The following ZXDC variants were observed in gnomAD, a reference collection of about 807,000 sequenced individuals.
ZXDC encodes the protein ZXD family zinc finger C.
ZXDC carries 58 observed loss-of-function variants against 63.6 expected under a neutral mutation model. The ratio of observed to expected loss-of-function variants is 0.91; its 90% CI spans 0.74 to 1.13. ZXDC has a LOEUF of 1.13. Among genes scored for constraint, ZXDC ranks in the 50% most tolerant of loss-of-function variants. The probability of loss-of-function intolerance (pLI) is 0.00; values close to 1 mark genes in which losing one functional copy is unlikely to be tolerated. For synonymous variants in ZXDC, 561 were observed against 496.1 expected, an observed-to-expected ratio of 1.13 and a Z score of -1.74; for missense variants, 1,133 against 1,148.9, an observed-to-expected ratio of 0.99 and a Z score of 0.20.
chr3:126,452,175 C>T (rs1314331641), intron 7 of ZXDC: 1 of 985,302 alleles, frequency 1.0e-6, no homozygotes, highest in Non-Finnish European at 1.2e-6. Flanking sequence ...AGCCCCAGCA[C>T]CAGAACATGC....
Position 126,441,923 on chromosome 3 carries a change from TTC to T in ZXDC, c.2234_2235del (p.Arg745LysfsTer55). On this transcript the variant is annotated frameshift_variant, in exon 8 of 10. Coordinates refer to ENST00000389709, the MANE Select transcript of ZXDC (RefSeq NM_025112.5). LOFTEE classifies it high-confidence loss of function. The part of the protein sequence containing the change: ...SNAGASQSTQ[R>X]KIKEGKMSPP... ...GGACTCATTTTGCCTTCTTTTATTTTTCTCTGAGTAGACTGTGAGGCTCCTAA... is the reference window on the plus strand; with the variant it reads ...GGACTCATTTTGCCTTCTTTTATTTTTCTGAGTAGACTGTGAGGCTCCTAA... 6.2e-7 allele frequency: 1 copy of T among 1,610,158 alleles called. No homozygotes were observed. Among genetic ancestry groups the T allele is most frequent in the South Asian group, 1.1e-5 (1 of 90,440 alleles).
intron 1 of ZXDC, among the ~76,000 whole-genome samples, chr3:126,472,932 C>A (rs1478303727): frequency 1.3e-5 from 2 of 152,320 alleles, no homozygotes; most frequent in Admixed American, 6.5e-5. Context: ...TACTTCTCCT[C>A]CGACAGAAAC....
Position 126,471,119 on chromosome 3 carries a change from CA to C in ZXDC, c.1140-95del, listed in dbSNP as rs1934965042. On this transcript the variant is annotated intron_variant, in intron 3 of 9. Coordinates refer to ENST00000389709, the MANE Select transcript of ZXDC (RefSeq NM_025112.5). ...AAAACATACCAAAACACAAACTTTG[CA>C]TTTACAAAAATGATCAGTACATTTC... The C allele has an allele frequency of 1.8e-5, 27 of 1,488,590 alleles. 1 individual carries two copies. The highest frequency in any genetic ancestry group is 5.7e-5 in the African/African-American group (4 of 70,764). The allele number at this position is 1,488,590 out of a possible 1,614,324, so 92.2% of individuals were successfully genotyped here. A position where few individuals can be genotyped will look rare whatever the true frequency, so the allele number is the denominator to read the frequency against.
Position 126,466,329 on chromosome 3 carries a change from G to C in ZXDC, c.1271-4C>G, listed in dbSNP as rs770782849. Reference sequence around the variant, plus strand: ...GCGGAGAACCTCGCGCAACATCCTGGAACAAAAAGAGTAATGAGAGTGAAA... The same window carrying C: ...GCGGAGAACCTCGCGCAACATCCTGCAACAAAAAGAGTAATGAGAGTGAAA... On this transcript the variant is annotated splice_polypyrimidine_tract_variant and splice_region_variant and intron_variant, in intron 4 of 9. Transcript: ENST00000389709. The C allele has an allele frequency of 2.5e-6, 4 of 1,613,884 alleles. No homozygotes were observed. The highest frequency in any genetic ancestry group is 1.7e-4 in the Middle Eastern group (1 of 6,060).
chr3:126,465,877 AG>A (rs1934737101), intron 5 of ZXDC, among the ~76,000 whole-genome samples: 1 of 152,132 alleles, frequency 6.6e-6, no homozygotes, highest in Non-Finnish European at 1.5e-5. Flanking sequence ...CTTGAGCAGG[AG>A]CCTGAGGTTG....
intron 8 of ZXDC, 153 bp from the exon 9 acceptor site, chr3:126,439,880 G>A (rs1933612765): frequency 3.5e-6 from 5 of 1,435,620 alleles, no homozygotes; most frequent in Non-Finnish European, 4.5e-6. Flanking sequence ...AGCAGGAATT[G>A]TTTATGGGGG....
rs1172315285 is a variant in ZXDC at position 126,470,893 on chromosome 3, A to G, written c.1270+2T>C. 5.0e-6 allele frequency: 8 copies of G among 1,614,070 alleles called. No individual in the cohort carries two copies. Among genetic ancestry groups the G allele is most frequent in the Admixed American group, 1.7e-5 (1 of 60,012 alleles). On this transcript the variant is annotated splice_donor_variant, in intron 4 of 9. Coordinates refer to ENST00000389709, the MANE Select transcript of ZXDC (RefSeq NM_025112.5). LOFTEE classifies it high-confidence loss of function. ...TGCTCAAAGCAATGTTTTAAAATCT[A>G]CCTTCCACAGGACACTCGAACGGCT...
At chr3:126,470,160 C>A (rs1398492222) in intron 4 of ZXDC, among the ~76,000 whole-genome samples, 1 of 152,190 alleles carries the variant, frequency 6.6e-6, no homozygotes, top group Non-Finnish European at 1.5e-5. Context: ...GAAAAAACCA[C>A]TCTACTATAC....
At chr3:126,466,477 T>C in intron 4 of ZXDC, 152 bp from the exon 5 acceptor site, 1 of 801,942 alleles carries the variant, frequency 1.2e-6, no homozygotes, top group South Asian at 1.6e-5. Context: ...AGAAGTAGCA[T>C]CACAAGCAAT....
chr3:126,450,433 G>A (rs1245584988), intron 7 of ZXDC: 3 of 456,550 alleles, frequency 6.6e-6, no homozygotes, highest in East Asian at 6.9e-5. Flanking sequence ...GGGTGTACAC[G>A]GGGCCCACAG....
At chr3:126,473,567 A>G (rs1935057215) in intron 1 of ZXDC, among the ~76,000 whole-genome samples, 1 of 152,218 alleles carries the variant, frequency 6.6e-6, no homozygotes, top group African/African-American at 2.4e-5. Context: ...TTAGCAGGGA[A>G]AGGGTCTACA....
intron 7 of ZXDC, chr3:126,450,507 CT>C (rs1444528946): frequency 4.4e-6 from 2 of 456,712 alleles, no homozygotes; most frequent in Non-Finnish European, 8.8e-6. Flanking sequence ...ACCTGGGCAC[CT>C]CATGACACAT....
chr3:126,450,610 C>T (rs1049976372), intron 7 of ZXDC: 1 of 447,092 alleles, frequency 2.2e-6, no homozygotes, highest in African/African-American at 2.0e-5. Context: ...CCCCTGCTGA[C>T]CCAGGGCCCC....
intron 7 of ZXDC, chr3:126,458,939 G>A: frequency 1.0e-6 from 1 of 981,556 alleles, no homozygotes; most frequent in Non-Finnish European, 1.2e-6. Flanking sequence ...TTTTAAATAA[G>A]AAGTCATAAT....
intron 7 of ZXDC, chr3:126,457,201 G>C (rs1023766377): frequency 1.1e-6 from 1 of 943,458 alleles, no homozygotes; most frequent in African/African-American, 1.8e-5. Flanking sequence ...CCAGGACTGC[G>C]GCCACAGGGG....
chr3:126,462,237 T>TAC lies in ZXDC; in HGVS notation c.1442-19_1442-18dup, dbSNP rs781311935. 7 of 1,573,040 alleles carry TAC rather than the reference T, an allele frequency of 4.4e-6. No individual in the cohort carries two copies. Among genetic ancestry groups the TAC allele is most frequent in the Admixed American group, 1.8e-5 (1 of 55,540 alleles). The stretch of plus-strand genomic sequence containing the variant: ...GTAAGAGATCTGAAAAAAAAAGGAA[T>TAC]ACACTCTGGTTACTTTATGACCTTG... On this transcript the variant is annotated splice_polypyrimidine_tract_variant and intron_variant, in intron 5 of 9. Coordinates refer to ENST00000389709, the MANE Select transcript of ZXDC (RefSeq NM_025112.5).
At chr3:126,439,845 T>G in intron 8 of ZXDC, 118 bp from the exon 9 acceptor site, 1 of 1,453,852 alleles carries the variant, frequency 6.9e-7, no homozygotes, top group Non-Finnish European at 9.0e-7. Context: ...CCACCCCCTG[T>G]ATTCCAAGGG....
intron 1 of ZXDC, 148 bp from the exon 2 acceptor site, chr3:126,472,453 T>C (rs1033065223): frequency 3.9e-6 from 4 of 1,031,562 alleles, no homozygotes; most frequent in Non-Finnish European, 5.4e-6. Context: ...GGGAAGACCA[T>C]TAATGCTTGG....
chr3:126,464,719 G>A (rs1934688100), intron 5 of ZXDC, among the ~76,000 whole-genome samples: 1 of 152,072 alleles, frequency 6.6e-6, no homozygotes, highest in African/African-American at 2.4e-5. Context: ...ACAGGGGAGA[G>A]GCCTAAGTGA....
Sources: allele counts gnomAD v4.1 joint callset (sites outside exome capture counted in the v4.1 genomes callset), GRCh38; gene constraint gnomAD v4.1.1; transcripts MANE v1.5; gene names NCBI Gene and HGNC (gene_info 2026-07-23, HGNC 2026-07-21).